Variants in PHLPP1 observed in about 807,000 individuals in gnomAD.
The protein encoded by PHLPP1 is PH domain leucine-rich repeat-containing protein phosphatase 1.
PHLPP1 carries 42 observed loss-of-function variants against 117.2 expected under a neutral mutation model. That is an observed-to-expected ratio of 0.36 (90% CI 0.28 to 0.46). The LOEUF is 0.46. Among genes scored for constraint, PHLPP1 ranks in the 20% least tolerant of loss-of-function variants. The pLI is 1.00. For missense variants in PHLPP1, 2,084 were observed against 2,241.9 expected, an observed-to-expected ratio of 0.93 and a Z score of 1.42; for synonymous variants, 1,042 against 970.7, an observed-to-expected ratio of 1.07 and a Z score of -1.37.
intron 6 of PHLPP1, among the ~76,000 whole-genome samples, chr18:62,902,269 C>T (rs931061214): frequency 3.9e-5 from 6 of 152,150 alleles, no homozygotes; most frequent in African/African-American, 1.4e-4. Context: ...TCTAAGATTT[C>T]TCAATGGATT....
intron 14 of PHLPP1, among the ~76,000 whole-genome samples, chr18:62,963,785 A>G (rs1910831173): frequency 6.6e-6 from 1 of 152,200 alleles, no homozygotes; most frequent in Non-Finnish European, 1.5e-5. Flanking sequence ...GCTCCTTTGA[A>G]AAGCTCCTTT....
At position 62,903,101 on chromosome 18, in the gene PHLPP1, G is replaced by A. The variant is rs755842787; in HGVS notation, c.2582G>A (p.Arg861Lys). Residue 861 changes from arginine (R) to lysine (K), a missense_variant, in exon 7 of 17, where the codon AGG (arginine) becomes AAG (lysine). Physicochemically the swap from Arg to Lys is conservative, Grantham distance 26. Transcript: ENST00000262719. ...FNNIEVLHCE[R>K]NQLVTLDICG... ...AACATTGAAGTTTTACACTGTGAAAGGAATCAACTGGTCACATTAGACATC... is the reference window on the plus strand; with the variant it reads ...AACATTGAAGTTTTACACTGTGAAAAGAATCAACTGGTCACATTAGACATC... The A allele has an allele frequency of 2.5e-6, 4 of 1,613,566 alleles. No individual in the cohort carries two copies. The Admixed American group carries it at 5.0e-5, about 20-fold the overall frequency.
intron 8 of PHLPP1, 151 bp from the exon 9 acceptor site, chr18:62,914,762 A>T: frequency 1.6e-6 from 1 of 606,288 alleles, no homozygotes; most frequent in Non-Finnish European, 3.0e-6. Flanking sequence ...TCTTGCTTCT[A>T]GAGAAAAGCG....
intron 1 of PHLPP1, among the ~76,000 whole-genome samples, chr18:62,761,620 G>A (rs1284536035): frequency 5.4e-5 from 8 of 147,712 alleles, no homozygotes; most frequent in Non-Finnish European, 7.4e-5. Context: ...GTGACAGAGC[G>A]AGACTCCGTC....
chr18:62,733,057 A>G (rs1374795663), intron 1 of PHLPP1, among the ~76,000 whole-genome samples: 2 of 152,248 alleles, frequency 1.3e-5, no homozygotes, highest in Non-Finnish European at 2.9e-5. Context: ...AGAATATTAC[A>G]TAAACTTAGT....
chr18:62,722,419 C>T (rs1362771797), intron 1 of PHLPP1, among the ~76,000 whole-genome samples: 1 of 152,150 alleles, frequency 6.6e-6, no homozygotes, highest in Non-Finnish European at 1.5e-5. Flanking sequence ...AAAACGATTC[C>T]TTTAAAGACG....
chr18:62,881,014 G>C (rs1455059905), intron 4 of PHLPP1, among the ~76,000 whole-genome samples: 3 of 152,194 alleles, frequency 2.0e-5, no homozygotes. Context: ...ATAGTAACCA[G>C]TAAGTACCTC....
chr18:62,836,429 CTAAAAATAAATAAA>C (rs1285894439), intron 2 of PHLPP1, among the ~76,000 whole-genome samples: 9 of 132,234 alleles, frequency 6.8e-5, no homozygotes, highest in African/African-American at 2.0e-4. Context: ...GAGACTCCAT[CTAAAAATAAATAAA>C]TAAATAAATA....
intron 4 of PHLPP1, among the ~76,000 whole-genome samples, chr18:62,873,365 G>T (rs1307257762): frequency 6.6e-6 from 1 of 152,142 alleles, no homozygotes; most frequent in Non-Finnish European, 1.5e-5. Context: ...CTGTGTTCTA[G>T]TAAGTACTTG....
chr18:62,806,263 A>T (rs895292137), intron 1 of PHLPP1, among the ~76,000 whole-genome samples: 1 of 152,142 alleles, frequency 6.6e-6, no homozygotes, highest in Non-Finnish European at 1.5e-5. Flanking sequence ...AGCAATTTCT[A>T]TTACTTGACT....
Position 62,716,387 on chromosome 18 carries a change from T to C in PHLPP1, c.704T>C (p.Leu235Pro). The change falls in exon 1 of 17, where the codon CTG becomes CCG. Residue 235 changes from leucine (L) to proline (P), a missense_variant. Leu to Pro is a moderately conservative substitution (Grantham distance 98). This residue lies in a region of PHLPP1 where 719 missense variants were observed against 636.0 expected (regional missense o/e 1.13). Coordinates refer to ENST00000262719, the MANE Select transcript of PHLPP1 (RefSeq NM_194449.4). The surrounding 1 kb of genome is among the most constrained non-coding windows in gnomAD (Gnocchi z 5.7). ...GCCGGCGAGGTGGCCGCCCGCCTGC[T>C]GCAGCTGGGCCACAAAGGCGGCGGC... ...TTAGEVAARL[L>P]QLGHKGGGVV... is the part of the protein sequence containing the mutation. The C allele has an allele frequency of 1.3e-6, 2 of 1,485,546 alleles. No homozygotes were observed. Among genetic ancestry groups the C allele is most frequent in the South Asian group, 1.3e-5 (1 of 79,456 alleles). The allele number at this position is 1,485,546 out of a possible 1,614,324, so 92.0% of individuals were successfully genotyped here.
chr18:62,762,418 T>A (rs1350141456), intron 1 of PHLPP1, among the ~76,000 whole-genome samples: 1 of 147,024 alleles, frequency 6.8e-6, no homozygotes, highest in Admixed American at 6.7e-5. Context: ...TTTTTATCTT[T>A]TTTTTTTTTT....
intron 10 of PHLPP1, among the ~76,000 whole-genome samples, chr18:62,940,349 C>CTTTTTTTTTT (rs1568168241): frequency 5.6e-5 from 4 of 72,062 alleles, no homozygotes; most frequent in African/African-American, 1.6e-4. Context: ...CTTTTTCTTT[C>CTTTTTTTTTT]TTTTCTTTTT....
In PHLPP1 at chr18:62,716,796, C is replaced by A. The variant is rs1260745487; in HGVS notation, c.1113C>A (p.Gly371=). ...TGGACCCCTACAGCAGCGGCGGCGG[C>A]TCCTCGTCGTCGTCGGAAGAGCTCG... ...DRLDPYSSGG[G]SSSSSEELEA... is the part of the protein sequence containing the mutation. Residue 371 remains glycine, a synonymous_variant, in exon 1 of 17, where the codon GGC becomes GGA. Transcript: ENST00000262719. This position sits in a 1 kb window ranked among gnomAD's most constrained non-coding sequence, Gnocchi z 5.7. 3 of 1,526,404 alleles carry A rather than the reference C, an allele frequency of 2.0e-6. No individual in the cohort carries two copies. In the Admixed American group the frequency reaches 6.0e-5, roughly 30 times the overall value. 94.6% of individuals were successfully genotyped at this position (1,526,404 alleles called of 1,614,324 possible).
chr18:62,904,175 T>C (rs971911334), intron 7 of PHLPP1, among the ~76,000 whole-genome samples: 3 of 152,244 alleles, frequency 2.0e-5, no homozygotes, highest in African/African-American at 7.2e-5. Context: ...TGAAGGGTTA[T>C]AGGATTTAGA....
chr18:62,859,232 C>T (rs531143330), intron 3 of PHLPP1, among the ~76,000 whole-genome samples: 90 of 152,176 alleles, frequency 5.9e-4, no homozygotes, highest in Non-Finnish European at 1.0e-3. Flanking sequence ...GAGAGAAAAC[C>T]AAGATGTGTG....
chr18:62,841,809 G>A (rs1019125041), intron 3 of PHLPP1, among the ~76,000 whole-genome samples: 3 of 152,138 alleles, frequency 2.0e-5, no homozygotes, highest in African/African-American at 7.2e-5. Flanking sequence ...AGGGCAGAGG[G>A]ACTTTGATTT....
intron 10 of PHLPP1, among the ~76,000 whole-genome samples, chr18:62,923,031 C>T (rs540950464): frequency 3.3e-5 from 5 of 152,220 alleles, no homozygotes; most frequent in African/African-American, 7.2e-5. Context: ...TGAACTGGAA[C>T]GTGAATGTGA....
At chr18:62,884,590 G>C (rs975380670) in intron 4 of PHLPP1, among the ~76,000 whole-genome samples, 1 of 152,228 alleles carries the variant, frequency 6.6e-6, no homozygotes, top group Non-Finnish European at 1.5e-5. Flanking sequence ...AAGTCCAGCC[G>C]TTGAGCAGCT....
Sources: gnomAD v4.1 joint callset for allele counts (sites outside exome capture counted in the v4.1 genomes callset) on GRCh38, gnomAD v4.1.1 for gene constraint, gnomAD v4.1.1 regional missense constraint, Gnocchi (gnomAD v3.1) non-coding constraint, MANE v1.5 for transcripts, NCBI Gene and HGNC (gene_info 2026-07-23, HGNC 2026-07-21) for gene names.